The following SLC2A13 variants were observed in gnomAD, a reference collection of about 807,000 sequenced individuals.
SLC2A13 encodes solute carrier family 2 member 13.
Under a neutral mutation model 64.4 loss-of-function variants are expected in SLC2A13, and 32 were observed. The ratio of observed to expected loss-of-function variants is 0.50; its 90% CI spans 0.37 to 0.67. The LOEUF is 0.67. Among genes scored for constraint, SLC2A13 ranks in the 30% least tolerant of loss-of-function variants. The pLI is 0.00. For synonymous variants in SLC2A13, 338 were observed against 327.1 expected, an observed-to-expected ratio of 1.03 and a Z score of -0.36; for missense variants, 743 against 829.2, an observed-to-expected ratio of 0.90 and a Z score of 1.28.
intron 2 of SLC2A13, among the ~76,000 whole-genome samples, chr12:40,035,143 A>G (rs984086436): frequency 9.2e-5 from 14 of 152,332 alleles, no homozygotes; most frequent in Admixed American, 9.1e-4. Context: ...TGAATTTTTC[A>G]TATACTGAAG....
At chr12:39,777,505 C>A (rs1324746574) in intron 7 of SLC2A13, among the ~76,000 whole-genome samples, 1 of 152,116 alleles carries the variant, frequency 6.6e-6, no homozygotes, top group African/African-American at 2.4e-5. Flanking sequence ...AGGGCTCCAC[C>A]CAGGGCCCGG....
intron 7 of SLC2A13, among the ~76,000 whole-genome samples, chr12:39,805,894 GCAGGATTTGCTTAGTTTCA>G (rs1941964912): frequency 6.6e-6 from 1 of 152,142 alleles, no homozygotes; most frequent in African/African-American, 2.4e-5. Flanking sequence ...AAAGCTGTGG[GCAGGATTTGCTTAGTTTCA>G]CAGGTAATTG....
At chr12:39,783,019 GC>G (rs1189896221) in intron 7 of SLC2A13, among the ~76,000 whole-genome samples, 1 of 151,504 alleles carries the variant, frequency 6.6e-6, no homozygotes, top group Non-Finnish European at 1.5e-5. Context: ...ATCCCTCCCC[GC>G]TCCCCCCACC....
chr12:39,970,218 T>C (rs1250403694), intron 3 of SLC2A13, among the ~76,000 whole-genome samples: 1 of 152,224 alleles, frequency 6.6e-6, no homozygotes, highest in Non-Finnish European at 1.5e-5. Context: ...TAGTATAGTT[T>C]GAAGTCAGGT....
intron 4 of SLC2A13, among the ~76,000 whole-genome samples, chr12:39,919,383 T>C (rs1015749910): frequency 6.6e-6 from 1 of 152,094 alleles, no homozygotes; most frequent in African/African-American, 2.4e-5. Flanking sequence ...AAGTTCTTTA[T>C]AGATTGCAAA....
intron 4 of SLC2A13, among the ~76,000 whole-genome samples, chr12:39,924,573 A>G (rs1945680999): frequency 2.0e-5 from 3 of 152,124 alleles, no homozygotes; most frequent in African/African-American, 7.2e-5. Context: ...GATACTAAGT[A>G]TCTACTATTT....
At chr12:39,907,270 G>A (rs1015885451) in intron 4 of SLC2A13, among the ~76,000 whole-genome samples, 1 of 152,046 alleles carries the variant, frequency 6.6e-6, no homozygotes, top group Non-Finnish European at 1.5e-5. Flanking sequence ...CCACCCACAT[G>A]CAAAATGATG....
intron 3 of SLC2A13, among the ~76,000 whole-genome samples, chr12:39,991,364 C>T (rs1246187547): frequency 6.6e-6 from 1 of 152,174 alleles, no homozygotes. Context: ...GTGCTCTGCT[C>T]CCATCATCTT....
intron 4 of SLC2A13, among the ~76,000 whole-genome samples, chr12:39,877,843 C>A (rs1164963527): frequency 6.6e-6 from 1 of 152,178 alleles, no homozygotes; most frequent in Non-Finnish European, 1.5e-5. Flanking sequence ...ATATTCATCC[C>A]TGCCCAAATC....
At chr12:39,973,914 C>T (rs1054928635) in intron 3 of SLC2A13, among the ~76,000 whole-genome samples, 7 of 152,178 alleles carry the variant, frequency 4.6e-5, no homozygotes, top group Admixed American at 2.0e-4. Context: ...ACTTCAAAAA[C>T]GACAACTGCT....
At chr12:39,935,262 G>C (rs1368836212) in intron 4 of SLC2A13, among the ~76,000 whole-genome samples, 3 of 152,244 alleles carry the variant, frequency 2.0e-5, no homozygotes, top group East Asian at 3.9e-4. Context: ...ATAAAATTAT[G>C]AAAACCTATC....
intron 7 of SLC2A13, among the ~76,000 whole-genome samples, chr12:39,823,004 AC>A (rs1942568315): frequency 6.6e-6 from 1 of 152,210 alleles, no homozygotes; most frequent in Non-Finnish European, 1.5e-5. Context: ...CAATATAGTC[AC>A]TAAATCCAAG....
chr12:39,938,529 T>C (rs1423246252), intron 4 of SLC2A13, among the ~76,000 whole-genome samples: 1 of 152,152 alleles, frequency 6.6e-6, no homozygotes, highest in Non-Finnish European at 1.5e-5. Context: ...ACATTAATGA[T>C]GTATTTTTCA....
At position 40,067,100 on chromosome 12, in the gene SLC2A13, C is replaced by T. The variant is rs147528462; in HGVS notation, c.557-18890G>A. Among the ~76,000 whole-genome samples, 210 of 152,252 alleles carry T rather than the reference C, an allele frequency of 1.4e-3. 1 individual carries two copies. The highest frequency in any genetic ancestry group is 4.8e-3 in the African/African-American group (200 of 41,532). ...AATGACTTACCTGGTTCCCGGTGTA[C>T]AAAACTGCAAATCGAGGGTGATACC... On this transcript the variant is annotated intron_variant, in intron 1 of 9. Transcript: ENST00000280871.
intron 4 of SLC2A13, among the ~76,000 whole-genome samples, chr12:39,874,700 G>A (rs1469681837): frequency 6.6e-6 from 1 of 151,560 alleles, no homozygotes; most frequent in African/African-American, 2.4e-5. Context: ...GAGGGGACTT[G>A]AATGTAATGC....
chr12:39,821,571 C>T (rs1942511002), intron 7 of SLC2A13, among the ~76,000 whole-genome samples: 1 of 152,162 alleles, frequency 6.6e-6, no homozygotes, highest in African/African-American at 2.4e-5. Context: ...CACAGGTCTA[C>T]CTCAGGTCAG....
At chr12:39,778,459 T>C (rs575285127) in intron 7 of SLC2A13, among the ~76,000 whole-genome samples, 50 of 151,526 alleles carry the variant, frequency 3.3e-4, no homozygotes, top group South Asian at 1.2e-3. Flanking sequence ...AGGGACGAAG[T>C]TAGTTATTTC....
intron 3 of SLC2A13, among the ~76,000 whole-genome samples, chr12:40,011,863 G>A (rs1052518716): frequency 1.3e-5 from 2 of 152,210 alleles, no homozygotes; most frequent in Non-Finnish European, 1.5e-5. Flanking sequence ...TCTGAAGACA[G>A]TGACAGAAGA....
chr12:39,766,769 A>C (rs1940364476), intron 7 of SLC2A13, among the ~76,000 whole-genome samples: 1 of 152,080 alleles, frequency 6.6e-6, no homozygotes, highest in Non-Finnish European at 1.5e-5. Context: ...CCATCTCAGA[A>C]ACTACTTTCT....
Sources: allele counts gnomAD v4.1 joint callset (sites outside exome capture counted in the v4.1 genomes callset), GRCh38; gene constraint gnomAD v4.1.1; transcripts MANE v1.5; gene names NCBI Gene and HGNC (gene_info 2026-07-23, HGNC 2026-07-21).